The following SHANK2 variants were observed in gnomAD, a reference collection of about 807,000 sequenced individuals.
SHANK2 encodes the protein SH3 and multiple ankyrin repeat domains protein 2.
Under a neutral mutation model 133.7 loss-of-function variants are expected in SHANK2, and 43 were observed. That is an observed-to-expected ratio of 0.32 (90% CI 0.25 to 0.41). SHANK2 has a LOEUF of 0.41. SHANK2 is among the 10% of genes least tolerant of loss of function. SHANK2 has a pLI of 1.00. For synonymous variants in SHANK2, 1,017 were observed against 952.8 expected, an observed-to-expected ratio of 1.07 and a Z score of -1.24; for missense variants, 1,994 against 2,235.8, an observed-to-expected ratio of 0.89 and a Z score of 2.18.
intron 2 of SHANK2, among the ~76,000 whole-genome samples, chr11:71,199,008 C>G (rs1366215950): frequency 1.3e-5 from 2 of 152,190 alleles, no homozygotes; most frequent in African/African-American, 4.8e-5. Context: ...CCGCAATGGA[C>G]ACGGGGCGGA....
At chr11:71,177,991 G>T in intron 2 of SHANK2, among the ~76,000 whole-genome samples, 1 of 152,214 alleles carries the variant, frequency 6.6e-6, no homozygotes, top group South Asian at 2.1e-4. Context: ...AAATGTAAAT[G>T]GCGTGGCCAC....
At chr11:70,914,319 G>A (rs1458910654) in intron 10 of SHANK2, among the ~76,000 whole-genome samples, 3 of 151,728 alleles carry the variant, frequency 2.0e-5, no homozygotes, top group Non-Finnish European at 4.4e-5. Flanking sequence ...GAATCCACCT[G>A]GCACCAGGAG....
Position 70,830,619 on chromosome 11 carries a change from G to A in SHANK2, c.1175-9937C>T, listed in dbSNP as rs1948712852. ...AAACAAGTATTCCGAGGATGACCGAGCGCTAGTGGTTGAGATGAAAATTAA... is the reference window on the plus strand; with the variant it reads ...AAACAAGTATTCCGAGGATGACCGAACGCTAGTGGTTGAGATGAAAATTAA... On this transcript the variant is annotated intron_variant, in intron 11 of 25. Coordinates refer to ENST00000601538, the MANE Select transcript of SHANK2 (RefSeq NM_012309.5). The surrounding 1 kb of genome is among the most constrained non-coding windows in gnomAD (Gnocchi z 4.4). 6.6e-6 allele frequency among the ~76,000 whole-genome samples: 1 copy of A among 152,216 alleles called. No homozygotes were observed. The highest frequency in any genetic ancestry group is 1.5e-5 in the Non-Finnish European group (1 of 68,032).
chr11:70,947,688 T>C (rs1950767931), intron 10 of SHANK2, among the ~76,000 whole-genome samples: 2 of 152,124 alleles, frequency 1.3e-5, no homozygotes, highest in Non-Finnish European at 2.9e-5. Context: ...TTTAAAAAAT[T>C]ATAGTTACAT....
chr11:71,199,864 G>A (rs1410486788), intron 2 of SHANK2, among the ~76,000 whole-genome samples: 1 of 152,186 alleles, frequency 6.6e-6, no homozygotes. Flanking sequence ...CAAGGAGACA[G>A]CAAAATGCCA....
chr11:70,712,708 C>T (rs2134595638), intron 14 of SHANK2, among the ~76,000 whole-genome samples: 1 of 152,362 alleles, frequency 6.6e-6, no homozygotes, highest in South Asian at 2.1e-4. Flanking sequence ...GACTGAGCCG[C>T]CAGCACGATG....
intron 2 of SHANK2, among the ~76,000 whole-genome samples, chr11:71,158,762 G>C (rs1390845732): frequency 6.6e-6 from 1 of 152,190 alleles, no homozygotes; most frequent in Non-Finnish European, 1.5e-5. Flanking sequence ...AAGACAAATA[G>C]ATGGATTTAA....
At chr11:70,895,382 T>C (rs1949917747) in intron 11 of SHANK2, 1 of 152,608 alleles carries the variant, frequency 6.6e-6, no homozygotes, top group East Asian at 1.9e-4. Context: ...GGTGATGCCA[T>C]CTTCGAAAGC....
At chr11:70,798,860 G>A (rs1234388796) in intron 13 of SHANK2, among the ~76,000 whole-genome samples, 1 of 152,176 alleles carries the variant, frequency 6.6e-6, no homozygotes, top group Non-Finnish European at 1.5e-5. Context: ...TGTGCACGGC[G>A]GCCCTGTAGC....
chr11:70,933,810 C>G (rs900010633), intron 10 of SHANK2, among the ~76,000 whole-genome samples: 19 of 151,188 alleles, frequency 1.3e-4, no homozygotes, highest in African/African-American at 4.6e-4. Flanking sequence ...ATCCCAGCTA[C>G]TCGGGAGGCT....
chr11:70,852,799 T>C (rs1949108032), intron 11 of SHANK2, among the ~76,000 whole-genome samples: 2 of 152,174 alleles, frequency 1.3e-5, no homozygotes, highest in African/African-American at 4.8e-5. Flanking sequence ...GCCGAGATCA[T>C]GCCACTGCAC....
intron 2 of SHANK2, among the ~76,000 whole-genome samples, chr11:71,157,583 A>G (rs1952929531): frequency 6.6e-6 from 1 of 152,140 alleles, no homozygotes; most frequent in South Asian, 2.1e-4. Flanking sequence ...AAAGCCAGAG[A>G]GAAGAGTCTG....
chr11:71,243,084 G>C (rs1173039132), intron 1 of SHANK2, among the ~76,000 whole-genome samples: 2 of 152,186 alleles, frequency 1.3e-5, no homozygotes, highest in Non-Finnish European at 2.9e-5. Context: ...AGGAAATTCA[G>C]ATCTGTAAAT....
chr11:70,936,274 G>A (rs1410651448), intron 10 of SHANK2, among the ~76,000 whole-genome samples: 1 of 152,236 alleles, frequency 6.6e-6, no homozygotes, highest in African/African-American at 2.4e-5. Flanking sequence ...CACTTTGGGA[G>A]GCCTAGGCAG....
chr11:70,592,350 G>A lies in SHANK2; in HGVS notation c.2061+67478C>T, dbSNP rs151092227. On this transcript the variant is annotated intron_variant, in intron 17 of 25. Transcript: ENST00000601538. ...TCTTTGGGTCAGTCCGAGAGGAGAT[G>A]CAGTCTGCTCCCACTCGGAGTGAGA... Among the ~76,000 whole-genome samples the A allele has an allele frequency of 7.9e-5, 12 of 152,286 alleles. No homozygotes were observed. In the East Asian group the frequency reaches 2.3e-3, roughly 30 times the overall value.
At chr11:70,911,167 C>T (rs184631409) in intron 10 of SHANK2, 118 of 456,670 alleles carry the variant, frequency 2.6e-4, no homozygotes, top group African/African-American at 1.9e-3. Context: ...GTACATGCCA[C>T]GAAACACACA....
intron 6 of SHANK2, among the ~76,000 whole-genome samples, chr11:71,100,210 T>C (rs1265155380): frequency 1.3e-5 from 2 of 152,032 alleles, no homozygotes; most frequent in Non-Finnish European, 2.9e-5. Flanking sequence ...GTTTGGCGAG[T>C]TGACACAAAA....
chr11:70,917,667 C>A (rs558908563), intron 10 of SHANK2, among the ~76,000 whole-genome samples: 2 of 152,150 alleles, frequency 1.3e-5, no homozygotes, highest in Non-Finnish European at 2.9e-5. Context: ...TGGAATACTA[C>A]GCAGCCATAA....
chr11:70,538,829 A>G (rs1211479864), intron 17 of SHANK2, among the ~76,000 whole-genome samples: 1 of 152,132 alleles, frequency 6.6e-6, no homozygotes, highest in Non-Finnish European at 1.5e-5. Flanking sequence ...GACGGTGGGG[A>G]GGGCTGAGTG....
Sources: allele counts gnomAD v4.1 joint callset (sites outside exome capture counted in the v4.1 genomes callset), GRCh38; gene constraint gnomAD v4.1.1; non-coding constraint Gnocchi (gnomAD v3.1); transcripts MANE v1.5; gene names NCBI Gene and HGNC (gene_info 2026-07-23, HGNC 2026-07-21).